KCNIP4: variants seen among roughly 807,000 people sequenced by gnomAD.
KCNIP4 encodes the protein potassium voltage-gated channel interacting protein 4.
KCNIP4 carries 12 observed loss-of-function variants against 34.0 expected under a neutral mutation model. The ratio of observed to expected loss-of-function variants is 0.35; its 90% CI spans 0.23 to 0.57. KCNIP4 has a LOEUF of 0.57. KCNIP4 is among the 20% of genes least tolerant of loss of function. KCNIP4 has a pLI of 0.83. For missense variants in KCNIP4, 238 were observed against 311.7 expected (o/e 0.76, Z 1.78); for synonymous variants, 124 against 102.2 (o/e 1.21, Z -1.29).
intron 1 of KCNIP4, among the ~76,000 whole-genome samples, chr4:21,689,795 GCCACTGATTCAGT>G (rs1751115855): frequency 6.6e-6 from 1 of 151,902 alleles, no homozygotes; most frequent in African/African-American, 2.4e-5. Flanking sequence ...GCCCACCCTG[GCCACTGATTCAGT>G]CCTACTCTCA....
chr4:21,522,020 G>C (rs934308300), intron 1 of KCNIP4, among the ~76,000 whole-genome samples: 15 of 152,106 alleles, frequency 9.9e-5, no homozygotes, highest in African/African-American at 3.6e-4. Flanking sequence ...GGGAAACATA[G>C]CAGTTTTGAG....
intron 1 of KCNIP4, among the ~76,000 whole-genome samples, chr4:21,823,372 ATGCTAGAGGGG>A (rs200474228): frequency 0.015 from 2,214 of 152,162 alleles, 42 homozygotes; most frequent in African/African-American, 0.05. Context: ...AATTAAGTGT[ATGCTAGAGGGG>A]TTACAGAAAA....
intron 1 of KCNIP4, among the ~76,000 whole-genome samples, chr4:21,100,210 G>C (rs1747814337): frequency 6.6e-6 from 1 of 152,128 alleles, no homozygotes; most frequent in Non-Finnish European, 1.5e-5. Context: ...AAAATCTTTT[G>C]GGAAAGAGTC....
chr4:20,792,016 T>A (rs945539210), intron 3 of KCNIP4, among the ~76,000 whole-genome samples: 2 of 152,184 alleles, frequency 1.3e-5, no homozygotes, highest in Non-Finnish European at 2.9e-5. Context: ...TAAACTTCTA[T>A]ATATACATCT....
chr4:21,443,285 C>G (rs977442324), intron 1 of KCNIP4, among the ~76,000 whole-genome samples: 9 of 152,142 alleles, frequency 5.9e-5, no homozygotes, highest in Admixed American at 5.9e-4. Flanking sequence ...CTTGCATGGC[C>G]TGAAAGTCCT....
At chr4:21,527,322 T>A (rs910351483) in intron 1 of KCNIP4, among the ~76,000 whole-genome samples, 2 of 152,142 alleles carry the variant, frequency 1.3e-5, no homozygotes, top group African/African-American at 4.8e-5. Context: ...ATATTTTTTT[T>A]AAAACAAGCA....
intron 1 of KCNIP4, among the ~76,000 whole-genome samples, chr4:21,539,126 C>A (rs1225202949): frequency 6.6e-6 from 1 of 152,168 alleles, no homozygotes; most frequent in East Asian, 1.9e-4. Context: ...GAGGCCTCTC[C>A]AGCCATGCAG....
At chr4:21,177,878 A>ATATAT (rs397839047) in intron 1 of KCNIP4, among the ~76,000 whole-genome samples, 2 of 145,478 alleles carry the variant, frequency 1.4e-5, no homozygotes, top group African/African-American at 5.3e-5. Flanking sequence ...ATATATATAT[A>ATATAT]AAATATAACA....
chr4:21,234,338 A>G lies in KCNIP4; in HGVS notation c.62-351629T>C, dbSNP rs1243228361. ...TATATATAACATATATAAATTATAT[A>G]TAACATACATTATATATAACATATA... is the stretch of plus-strand genomic sequence containing the variant. On this transcript the variant is annotated intron_variant, in intron 1 of 8. Coordinates refer to ENST00000382152, the MANE Select transcript of KCNIP4 (RefSeq NM_025221.6). Among the ~76,000 whole-genome samples the G allele has an allele frequency of 8.9e-4, 92 of 102,810 alleles. 1 individual carries two copies. The Admixed American group carries it at 0.01, about 11-fold the overall frequency. 67.4% of individuals were successfully genotyped at this position (102,810 alleles called of 152,430 possible).
In KCNIP4 at chr4:21,611,308, A is replaced by T. The variant is rs370362690; in HGVS notation, c.61+337263T>A. Among the ~76,000 whole-genome samples, 10 of 152,240 alleles carry T rather than the reference A, an allele frequency of 6.6e-5. No homozygotes were observed. The East Asian group carries it at 1.5e-3, about 24-fold the overall frequency. ...TGTGCATGTGTCTTTATATTAGATG[A>T]CAGCAGGTGAGAGAGAGAAGAAGAG... On this transcript the variant is annotated intron_variant, in intron 1 of 8. Transcript: ENST00000382152.
At chr4:20,782,872 G>T (rs1019181219) in intron 3 of KCNIP4, among the ~76,000 whole-genome samples, 6 of 152,086 alleles carry the variant, frequency 3.9e-5, no homozygotes, top group Admixed American at 3.9e-4. Flanking sequence ...GCATTGTCAG[G>T]CTGCAAATTT....
chr4:20,873,274 TTTG>T, intron 2 of KCNIP4, among the ~76,000 whole-genome samples: 1 of 152,306 alleles, frequency 6.6e-6, no homozygotes, highest in South Asian at 2.1e-4. Context: ...ATTTAATTTC[TTTG>T]TTTAGTTTTC....
intron 1 of KCNIP4, among the ~76,000 whole-genome samples, chr4:20,991,874 G>A (rs1014825602): frequency 6.6e-6 from 1 of 152,082 alleles, no homozygotes; most frequent in Non-Finnish European, 1.5e-5. Flanking sequence ...CCAGGGCCTT[G>A]CTGCCATAGA....
intron 3 of KCNIP4, among the ~76,000 whole-genome samples, chr4:20,765,150 C>G (rs903123023): frequency 6.6e-6 from 1 of 152,188 alleles, no homozygotes; most frequent in Non-Finnish European, 1.5e-5. Flanking sequence ...ACTGGAGATA[C>G]AGGAATGAGT....
chr4:21,441,968 T>C (rs571784614), intron 1 of KCNIP4, among the ~76,000 whole-genome samples: 54 of 152,304 alleles, frequency 3.5e-4, no homozygotes, highest in Non-Finnish European at 6.8e-4. Flanking sequence ...CCACTAAATA[T>C]CATCTATAGA....
At position 21,017,411 on chromosome 4, in the gene KCNIP4, A is replaced by C. The variant is rs1324204818; in HGVS notation, c.62-134702T>G. Among the ~76,000 whole-genome samples the C allele has an allele frequency of 2.0e-5, 3 of 152,256 alleles. No individual in the cohort carries two copies. The East Asian group carries it at 5.8e-4, about 29-fold the overall frequency. Reference sequence around the variant, plus strand: ...ATGTGTCCATGTGTTCTCATCAATCAGCTCTCACTTATAAGTGAGAACATG... The same window carrying C: ...ATGTGTCCATGTGTTCTCATCAATCCGCTCTCACTTATAAGTGAGAACATG... On this transcript the variant is annotated intron_variant, in intron 1 of 8. Transcript: ENST00000382152.
rs575683766 is a variant in KCNIP4, at chr4:21,638,277, G to A, written c.61+310294C>T. Among the ~76,000 whole-genome samples, 152 of 152,244 alleles carry A rather than the reference G, an allele frequency of 1.0e-3. 3 individuals carry two copies. The South Asian group carries it at 0.026, about 26-fold the overall frequency. ...TCATCAGCAGCCTAAGAGACAGCATGGAGTCAGACAATTTAAAGGTACTCC... is the reference window on the plus strand; with the variant it reads ...TCATCAGCAGCCTAAGAGACAGCATAGAGTCAGACAATTTAAAGGTACTCC... On this transcript the variant is annotated intron_variant, in intron 1 of 8. Transcript: ENST00000382152.
intron 1 of KCNIP4, among the ~76,000 whole-genome samples, chr4:21,941,905 T>C (rs755250843): frequency 5.3e-5 from 8 of 152,308 alleles, no homozygotes; most frequent in Non-Finnish European, 1.0e-4. Context: ...AGAGCTTTTA[T>C]GTTTAAATAC....
intron 1 of KCNIP4, among the ~76,000 whole-genome samples, chr4:21,080,349 C>T (rs6855434): frequency 0.093 from 14,174 of 151,874 alleles, 901 homozygotes; most frequent in African/African-American, 0.16. Context: ...TAGAAGTGTA[C>T]GCTAATATTT....
Sources: allele counts gnomAD v4.1 joint callset (sites outside exome capture counted in the v4.1 genomes callset), GRCh38; gene constraint gnomAD v4.1.1; transcripts MANE v1.5; gene names NCBI Gene and HGNC (gene_info 2026-07-23, HGNC 2026-07-21).